PCCB: variants seen among roughly 807,000 people sequenced by gnomAD.
PCCB encodes propionyl-CoA carboxylase beta chain, mitochondrial.
In PCCB, 43 loss-of-function variants were observed where a neutral mutation model predicts 60.7. That is an observed-to-expected ratio of 0.71 (90% CI 0.55 to 0.91). The LOEUF is 0.91. PCCB is among the 40% of genes least tolerant of loss of function. The probability of loss-of-function intolerance (pLI) is 0.00; values close to 1 mark genes in which losing one functional copy is unlikely to be tolerated. For missense variants in PCCB, 766 were observed against 702.8 expected (o/e 1.09, Z -1.02); for synonymous variants, 276 against 255.9 (o/e 1.08, Z -0.75).
intron 5 of PCCB, among the ~76,000 whole-genome samples, chr3:136,282,897 C>G (rs1942517814): frequency 6.6e-6 from 1 of 152,150 alleles, no homozygotes; most frequent in South Asian, 2.1e-4. Context: ...TGAATAAACA[C>G]TTCTCAATTT....
At chr3:136,300,940 G>A (rs1187242687) in intron 8 of PCCB, 90 bp from the exon 9 acceptor site, 9 of 895,982 alleles carry the variant, frequency 1.0e-5, no homozygotes, top group East Asian at 4.8e-5. Context: ...TCCCTATGAC[G>A]TGTCACCCCA....
At chr3:136,285,615 CCTGT>C (rs1933366816) in intron 6 of PCCB, among the ~76,000 whole-genome samples, 1 of 151,336 alleles carries the variant, frequency 6.6e-6, no homozygotes, top group African/African-American at 2.4e-5. Flanking sequence ...CTCTCATTTT[CCTGT>C]CTTTCAACAG....
At chr3:136,324,125 CTTTT>C (rs1256945609) in intron 10 of PCCB, among the ~76,000 whole-genome samples, 4 of 150,486 alleles carry the variant, frequency 2.7e-5, no homozygotes, top group East Asian at 3.9e-4. Flanking sequence ...TTCTTTCTTT[CTTTT>C]GAGACAGGGT....
In PCCB at chr3:136,262,956, T is replaced by G. The variant is rs1382331693; in HGVS notation, c.543+891T>G. Among the ~76,000 whole-genome samples, 162 of 64,614 alleles carry G rather than the reference T, an allele frequency of 2.5e-3. 1 individual carries two copies. Among genetic ancestry groups the G allele is most frequent in the South Asian group, 2.4e-3 (3 of 1,252 alleles). 42.4% of individuals were successfully genotyped at this position (64,614 alleles called of 152,430 possible). On this transcript the variant is annotated intron_variant, in intron 5 of 14. Transcript: ENST00000251654. ...ACATCTTTATGGGTCTGGAGGAGGT[T>G]TTTTTTTTTTTTTTTTGAGACAGAG...
chr3:136,325,529 G>A (rs1276954838), intron 10 of PCCB, among the ~76,000 whole-genome samples: 6 of 151,290 alleles, frequency 4.0e-5, no homozygotes, highest in African/African-American at 1.5e-4. Flanking sequence ...GCTAATTTTT[G>A]TATTTTTTAG....
intron 5 of PCCB, among the ~76,000 whole-genome samples, chr3:136,269,347 T>C (rs1207868871): frequency 6.6e-6 from 1 of 152,256 alleles, no homozygotes; most frequent in East Asian, 1.9e-4. Flanking sequence ...TGCAAATGTA[T>C]AGAGATACAA....
At chr3:136,265,174 CAG>C (rs1941953816) in intron 5 of PCCB, among the ~76,000 whole-genome samples, 1 of 152,214 alleles carries the variant, frequency 6.6e-6, no homozygotes, top group Non-Finnish European at 1.5e-5. Context: ...GCCTGGGTGA[CAG>C]AGCGAGACTC....
chr3:136,287,906 T>C (rs764706297), intron 6 of PCCB, among the ~76,000 whole-genome samples: 8 of 152,238 alleles, frequency 5.3e-5, no homozygotes, highest in Non-Finnish European at 7.3e-5. Context: ...TTAGAGGCAA[T>C]CTTAGGTCAT....
intron 7 of PCCB, among the ~76,000 whole-genome samples, chr3:136,296,703 T>C (rs1041758367): frequency 2.3e-4 from 35 of 152,258 alleles, no homozygotes; most frequent in African/African-American, 4.8e-4. Flanking sequence ...TTTATAAATA[T>C]TTTTTGAATG....
rs1282306131 is a variant in PCCB at position 136,260,555 on chromosome 3, A to T, written c.429+20A>T. 1 of 1,586,172 alleles carries T rather than the reference A, an allele frequency of 6.3e-7. No individual in the cohort carries two copies. Among genetic ancestry groups the T allele is most frequent in the East Asian group, 2.2e-5 (1 of 44,754 alleles). On this transcript the variant is annotated intron_variant, in intron 4 of 14. Transcript: ENST00000251654. ...TGCAAAGTAAGTGTTTAATACTCAA[A>T]TTCAATCCATTGCTTTCCTCAGTTA...
chr3:136,321,451 C>T (rs371361659), intron 10 of PCCB, among the ~76,000 whole-genome samples: 102 of 152,290 alleles, frequency 6.7e-4, no homozygotes, highest in Non-Finnish European at 8.2e-4. Flanking sequence ...GCTGGGAAGG[C>T]GTCAGGAAAC....
chr3:136,299,129 A>G (rs1934074406), intron 8 of PCCB, among the ~76,000 whole-genome samples: 2 of 152,010 alleles, frequency 1.3e-5, no homozygotes, highest in Non-Finnish European at 2.9e-5. Context: ...GAGCCCAGAA[A>G]TGTCTGCATA....
chr3:136,273,708 C>T (rs1341046765), intron 5 of PCCB, among the ~76,000 whole-genome samples: 4 of 142,976 alleles, frequency 2.8e-5, no homozygotes, highest in East Asian at 2.1e-4. Context: ...GTCAGGAGAT[C>T]GAGACCATCC....
At chr3:136,274,067 A>AT (rs911031608) in intron 5 of PCCB, among the ~76,000 whole-genome samples, 2 of 151,358 alleles carry the variant, frequency 1.3e-5, no homozygotes, top group East Asian at 1.9e-4. Context: ...TTGGTTTGTG[A>AT]TTTTTTAAAA....
rs115740522 is a variant in PCCB, at chr3:136,261,838, C to T, written c.430-114C>T. The T allele has an allele frequency of 1.7e-4, 125 of 736,496 alleles. 1 individual carries two copies. In the African/African-American group the frequency reaches 1.8e-3, roughly 11 times the overall value. The allele number at this position is 736,496 out of a possible 1,614,324, so 45.6% of individuals were successfully genotyped here. A position where few individuals can be genotyped will look rare whatever the true frequency, so the allele number is the denominator to read the frequency against. On this transcript the variant is annotated intron_variant, in intron 4 of 14. Transcript: ENST00000251654. ...GGAGTGAAACCAGTGTTACTGCCTC[C>T]TGTTTTGAAAAGTGCACTCAGAACG...
chr3:136,255,874 G>T lies in PCCB; in HGVS notation c.202G>T (p.Glu68Ter). The T allele has an allele frequency of 3.1e-6, 5 of 1,614,048 alleles. No homozygotes were observed. The highest frequency in any genetic ancestry group is 1.1e-5 in the South Asian group (1 of 91,080). Residue 68 changes from glutamate to a stop codon, truncating the protein, a stop_gained, in exon 2 of 15, where the codon GAG becomes TAG. Transcript: ENST00000251654. LOFTEE classifies it high-confidence loss of function. ...QHKRGKLTARERISLLLDPGS... is the reference protein window; with the variant it reads ...QHKRGKLTAR ...ATTGTAGGGAAAGCTAACAGCCAGG[G>T]AGAGGATCAGTCTCTTGCTGGACCC...
At position 136,317,044 on chromosome 3, in the gene PCCB, A is replaced by C. The variant is rs1934924232; in HGVS notation, c.1070A>C (p.Asn357Thr). ...MNGRTVGIVGNQPKVASGCLD... is the reference protein window; with the variant it reads ...MNGRTVGIVGTQPKVASGCLD... ...GGGAGGACTGTTGGAATTGTTGGCA[A>C]CCAACCTAAGGTGGCCTCAGGTAGG... The change falls in exon 10 of 15, where the codon AAC becomes ACC. Residue 357 changes from asparagine (N) to threonine (T), a missense_variant. Transcript: ENST00000251654. 4 of 1,613,850 alleles carry C rather than the reference A, an allele frequency of 2.5e-6. No homozygotes were observed. Among genetic ancestry groups the C allele is most frequent in the Non-Finnish European group, 3.4e-6 (4 of 1,179,980 alleles).
At chr3:136,256,471 T>C in intron 2 of PCCB, 84 bp from the exon 3 acceptor site, 1 of 979,828 alleles carries the variant, frequency 1.0e-6, no homozygotes. Flanking sequence ...GTTTTGTTTT[T>C]GTCTTTCATT....
intron 8 of PCCB, among the ~76,000 whole-genome samples, chr3:136,299,836 ATGTG>A (rs1212337494): frequency 6.6e-6 from 1 of 151,794 alleles, no homozygotes; most frequent in Non-Finnish European, 1.5e-5. Flanking sequence ...ATGTATATGC[ATGTG>A]TATGTATATG....
Sources: allele counts gnomAD v4.1 joint callset (sites outside exome capture counted in the v4.1 genomes callset), GRCh38; gene constraint gnomAD v4.1.1; transcripts MANE v1.5; gene names NCBI Gene and HGNC (gene_info 2026-07-23, HGNC 2026-07-21).